The following LAMB4 variants were observed in gnomAD, a reference collection of about 807,000 sequenced individuals.
LAMB4 encodes laminin subunit beta 4, also known as laminin subunit beta-4.
In LAMB4, 196 loss-of-function variants were observed where a neutral mutation model predicts 199.2. That is an observed-to-expected ratio of 0.98 (90% confidence interval 0.88 to 1.11). LAMB4 has a LOEUF of 1.11. Among genes scored for constraint, LAMB4 ranks in the 50% least tolerant of loss-of-function variants. LAMB4 has a pLI of 0.00. For synonymous variants in LAMB4, 744 were observed against 770.6 expected, an observed-to-expected ratio of 0.97 and a Z score of 0.57; for missense variants, 2,080 against 2,171.2, an observed-to-expected ratio of 0.96 and a Z score of 0.83.
chr7:108,107,639 C>T lies in LAMB4; in HGVS notation c.583G>A (p.Gly195Ser), dbSNP rs773922951. The T allele has an allele frequency of 1.6e-5, 25 of 1,601,508 alleles. No individual in the cohort carries two copies. The highest frequency in any genetic ancestry group is 2.7e-5 in the African/African-American group (2 of 74,314). ...AAGGAAGGAAATGCTACCTCTCCAC[C>T]TGTTGAGGGTTCAATATCCGAGTAT... ...SKYSDIEPST[G>S]GEVVLKVLDP... The change falls in exon 6 of 34, where the codon GGT (glycine) becomes AGT (serine). Residue 195 changes from glycine (G) to serine (S), a missense_variant. By Grantham distance (56) the Gly-to-Ser change is moderately conservative. Coordinates refer to ENST00000388781, the MANE Select transcript of LAMB4 (RefSeq NM_007356.3).
intron 13 of LAMB4, 93 bp from the exon 14 acceptor site, chr7:108,091,869 G>A (rs372211191): frequency 1.6e-6 from 2 of 1,257,774 alleles, no homozygotes; most frequent in Non-Finnish European, 2.2e-6. Context: ...CCTGAGTTTG[G>A]AGCAATCCTT....
chr7:108,124,682 A>C (rs73197627), intron 1 of LAMB4, among the ~76,000 whole-genome samples: 4,781 of 151,956 alleles, frequency 0.031, 195 homozygotes, highest in East Asian at 0.19. Context: ...AAACAACCTC[A>C]TTATAATTTA....
chr7:108,015,014 G>A, the LAMB4 span, among the ~76,000 whole-genome samples: 26 of 152,040 alleles, frequency 1.7e-4, no homozygotes, highest in South Asian at 1.2e-3. Context: ...GAGCCACTGC[G>A]CCCGGCCTAG....
At chr7:108,058,167 C>T (rs12334173) in intron 23 of LAMB4, among the ~76,000 whole-genome samples, 25,315 of 152,040 alleles carry the variant, frequency 0.17, 6,407 homozygotes, top group African/African-American at 0.55. Flanking sequence ...GGACAGGTGG[C>T]CCAAACTGGG....
rs150197498 is a variant in LAMB4, at chr7:108,095,239, C to T, written c.1459G>A (p.Glu487Lys). ...AGGCAAATACATACAGTGCATTCTT[C>T]GCAGTGTGCTCCGGTGACATATGAC... ...CLSYVTGAHC[E>K]ECTVGYWGLG... The change falls in exon 12 of 34, where the codon GAA becomes AAA. Residue 487 changes from glutamate (E) to lysine (K), a missense_variant. Coordinates refer to ENST00000388781, the MANE Select transcript of LAMB4 (RefSeq NM_007356.3). The T allele has an allele frequency of 4.4e-5, 71 of 1,612,160 alleles. No individual in the cohort carries two copies. The African/African-American group carries it at 5.3e-4, about 12-fold the overall frequency.
chr7:108,019,882 G>A (rs1387822385), downstream of LAMB4, among the ~76,000 whole-genome samples: 1 of 152,144 alleles, frequency 6.6e-6, no homozygotes, highest in Non-Finnish European at 1.5e-5. Flanking sequence ...TTGGGTCTCA[G>A]CTGTCCTTCA....
At chr7:108,029,303 T>A in intron 32 of LAMB4, 107 bp from the exon 33 acceptor site, 1 of 917,238 alleles carries the variant, frequency 1.1e-6, no homozygotes, top group Non-Finnish European at 1.6e-6. Context: ...GAGGAAACCT[T>A]AATCCAGTCA....
chr7:108,070,880 G>A lies in LAMB4; in HGVS notation c.2125-995C>T, dbSNP rs780740777. The stretch of plus-strand genomic sequence containing the variant: ...TTCTGCTGTACTCTGAGCATATGTC[G>A]TTACCTCCTTACTACACAGAGGAAA... On this transcript the variant is annotated intron_variant, in intron 17 of 33. Coordinates refer to ENST00000388781, the MANE Select transcript of LAMB4 (RefSeq NM_007356.3). 5.1e-4 allele frequency among the ~76,000 whole-genome samples: 78 copies of A among 152,094 alleles called. 1 individual carries two copies. Among genetic ancestry groups the A allele is most frequent in the Admixed American group, 3.7e-3 (56 of 15,274 alleles).
intron 1 of LAMB4, among the ~76,000 whole-genome samples, chr7:108,125,089 T>A (rs898636641): frequency 2.6e-5 from 4 of 152,204 alleles, no homozygotes; most frequent in African/African-American, 9.7e-5. Context: ...AGTAGCTCCA[T>A]CAGAATGAGC....
At chr7:108,128,231 TG>T (rs771039612) in intron 1 of LAMB4, among the ~76,000 whole-genome samples, 14 of 152,166 alleles carry the variant, frequency 9.2e-5, no homozygotes, top group Admixed American at 3.9e-4. Flanking sequence ...GGGTCTGCCC[TG>T]TGTATAAGTC....
chr7:108,032,696 G>A (rs1296326620), intron 31 of LAMB4, among the ~76,000 whole-genome samples: 2 of 65,558 alleles, frequency 3.1e-5, no homozygotes, highest in African/African-American at 3.6e-4. Flanking sequence ...GTGTGTTTGC[G>A]TGTGTGTGTG....
chr7:108,082,049 G>A (rs531444264), intron 14 of LAMB4, among the ~76,000 whole-genome samples: 5 of 152,238 alleles, frequency 3.3e-5, no homozygotes, highest in Non-Finnish European at 5.9e-5. Context: ...GCAGAACTTC[G>A]GCCGGGTGAG....
Position 108,047,905 on chromosome 7 carries a change from T to C in LAMB4, c.4326+3A>G, listed in dbSNP as rs775828652. 2 of 1,610,562 alleles carry C rather than the reference T, an allele frequency of 1.2e-6. No individual in the cohort carries two copies. The highest frequency in any genetic ancestry group is 1.1e-5 in the South Asian group (1 of 91,006). ...TACAAATAAAGCAAGAGAAGATATT[T>C]ACCTGATTTTTCAACCCACGAACCT... On this transcript the variant is annotated splice_donor_region_variant and intron_variant, in intron 28 of 33. Transcript: ENST00000388781.
At chr7:108,059,237 C>A (rs377156148) in intron 23 of LAMB4, among the ~76,000 whole-genome samples, 1 of 151,736 alleles carries the variant, frequency 6.6e-6, no homozygotes, top group Non-Finnish European at 1.5e-5. Context: ...TCCCGAGTAG[C>A]TGGGACTACA....
chr7:108,050,362 G>T (rs1318036878), intron 26 of LAMB4, among the ~76,000 whole-genome samples: 1 of 152,142 alleles, frequency 6.6e-6, no homozygotes, highest in Non-Finnish European at 1.5e-5. Flanking sequence ...GGAAACTGAG[G>T]CTCTATTGAG....
At chr7:108,047,846 T>C in intron 28 of LAMB4, 62 bp downstream of exon 28, 1 of 1,388,678 alleles carries the variant, frequency 7.2e-7, no homozygotes, top group Admixed American at 1.7e-5. Context: ...GTTTTATAAA[T>C]TTTAAGCAGT....
intron 18 of LAMB4, 29 bp from the exon 19 acceptor site, chr7:108,068,188 A>C: frequency 2.5e-6 from 4 of 1,612,280 alleles, no homozygotes; most frequent in Non-Finnish European, 3.4e-6. Context: ...GGGAGGTAGA[A>C]ATGAATGAAG....
At chr7:108,126,866 C>A (rs2038807521) in intron 1 of LAMB4, among the ~76,000 whole-genome samples, 1 of 152,132 alleles carries the variant, frequency 6.6e-6, no homozygotes, top group Non-Finnish European at 1.5e-5. Flanking sequence ...CCGCGCCCGG[C>A]CTTCTTTCCT....
intron 23 of LAMB4, among the ~76,000 whole-genome samples, chr7:108,059,340 G>T (rs1421389413): frequency 2.6e-5 from 4 of 151,864 alleles, no homozygotes; most frequent in Non-Finnish European, 5.9e-5. Flanking sequence ...ATTGTTATGT[G>T]TCCTTACGAA....
Sources: gnomAD v4.1 joint callset for allele counts (sites outside exome capture counted in the v4.1 genomes callset) on GRCh38, gnomAD v4.1.1 for gene constraint, MANE v1.5 for transcripts, NCBI Gene and HGNC (gene_info 2026-07-23, HGNC 2026-07-21) for gene names.